The following GAS7 variants were observed in gnomAD, a reference collection of about 807,000 sequenced individuals.
GAS7 encodes growth arrest-specific protein 7.
Under a neutral mutation model 71.1 loss-of-function variants are expected in GAS7, and 28 were observed. The observed-to-expected ratio is 0.39, with a 90% confidence interval of 0.29 to 0.54. The LOEUF is 0.54. GAS7 is among the 20% of genes least tolerant of loss of function. The probability of loss-of-function intolerance (pLI) is 0.62; values close to 1 mark genes in which losing one functional copy is unlikely to be tolerated. For synonymous variants in GAS7, 258 were observed against 245.8 expected, an observed-to-expected ratio of 1.05 and a Z score of -0.46; for missense variants, 436 against 627.8, an observed-to-expected ratio of 0.69 and a Z score of 3.27.
At chr17:10,057,423 G>T (rs1362686730) in intron 1 of GAS7, among the ~76,000 whole-genome samples, 9 of 149,920 alleles carry the variant, frequency 6.0e-5, no homozygotes, top group African/African-American at 2.2e-4. Context: ...CTGGAATGTG[G>T]GGAGCGCCTC....
chr17:10,053,861 C>A (rs2073098034), intron 1 of GAS7, among the ~76,000 whole-genome samples: 1 of 152,272 alleles, frequency 6.6e-6, no homozygotes, highest in South Asian at 2.1e-4. Context: ...TCCTATCCAT[C>A]CCCTGAGCAT....
intron 8 of GAS7, among the ~76,000 whole-genome samples, chr17:9,938,501 C>T (rs2068482328): frequency 2.1e-5 from 3 of 146,242 alleles, no homozygotes; most frequent in Admixed American, 6.9e-5. Context: ...AAATAGACAT[C>T]ACAGAGCTCC....
At chr17:10,046,153 A>G (rs1408941819) in intron 1 of GAS7, among the ~76,000 whole-genome samples, 1 of 151,968 alleles carries the variant, frequency 6.6e-6, no homozygotes, top group Admixed American at 6.6e-5. Context: ...AATCCAGAAA[A>G]CTGAACTTGA....
At chr17:10,152,237 T>TC (rs2074171959) in intron 1 of GAS7, among the ~76,000 whole-genome samples, 1 of 151,984 alleles carries the variant, frequency 6.6e-6, no homozygotes, top group South Asian at 2.1e-4. Flanking sequence ...ATAGGGAAGT[T>TC]CCCCGAAAAG....
intron 11 of GAS7, among the ~76,000 whole-genome samples, chr17:9,923,615 C>T (rs1397199638): frequency 6.6e-6 from 1 of 152,150 alleles, no homozygotes; most frequent in African/African-American, 2.4e-5. Flanking sequence ...CATTTTTCCC[C>T]ACTCACTACC....
chr17:9,953,364 G>A (rs2069098023), intron 5 of GAS7, among the ~76,000 whole-genome samples: 1 of 152,166 alleles, frequency 6.6e-6, no homozygotes. Flanking sequence ...GAGCCCCGAG[G>A]TGCCTGCCAC....
At chr17:10,074,905 T>C (rs566981076) in intron 1 of GAS7, among the ~76,000 whole-genome samples, 18 of 151,846 alleles carry the variant, frequency 1.2e-4, no homozygotes, top group African/African-American at 3.4e-4. Flanking sequence ...TGCAGAGATA[T>C]TGAAATATCA....
chr17:9,950,632 C>T (rs898549501), intron 5 of GAS7, among the ~76,000 whole-genome samples: 7 of 151,902 alleles, frequency 4.6e-5, no homozygotes, highest in African/African-American at 1.5e-4. Flanking sequence ...CCCAGGTGTG[C>T]GGATCACAAG....
intron 1 of GAS7, among the ~76,000 whole-genome samples, chr17:10,038,418 T>A (rs2072798430): frequency 6.6e-6 from 1 of 152,180 alleles, no homozygotes; most frequent in African/African-American, 2.4e-5. Context: ...TGAGAACTGT[T>A]GGAACCCTTG....
rs149323666 is a variant in GAS7 at position 10,011,395 on chromosome 17, G to A, written c.304+8382C>T. ...GAGGGGCTTGGCCAGTGTGAAATAGGAGACAAGACAGAGGTGAGTAGATAA... is the reference window on the plus strand; with the variant it reads ...GAGGGGCTTGGCCAGTGTGAAATAGAAGACAAGACAGAGGTGAGTAGATAA... On this transcript the variant is annotated intron_variant, in intron 2 of 13. Transcript: ENST00000432992. Among the ~76,000 whole-genome samples, 162 of 152,210 alleles carry A rather than the reference G, an allele frequency of 1.1e-3. 1 individual carries two copies. Among genetic ancestry groups the A allele is most frequent in the African/African-American group, 3.7e-3 (155 of 41,538 alleles).
intron 1 of GAS7, among the ~76,000 whole-genome samples, chr17:10,101,117 C>A (rs376923961): frequency 0.027 from 3,735 of 140,942 alleles, 137 homozygotes; most frequent in African/African-American, 0.088. Context: ...ACAAAAAAAA[C>A]CAAATATGGT....
rs1567559605 is a variant in GAS7 at position 10,034,315 on chromosome 17, C to CCT, written c.184-14419_184-14418insAG. ...ATATATAGCCTAATACTTAATAATT[C>CCT]TTTTTTTTTTTTTTAGACAGTCTTG... On this transcript the variant is annotated intron_variant, in intron 1 of 13. Coordinates refer to ENST00000432992, the MANE Select transcript of GAS7 (RefSeq NM_201433.2). The surrounding 1 kb of genome is among the most constrained non-coding windows in gnomAD (Gnocchi z 4.4). 6.3e-6 allele frequency: 3 copies of CCT among 473,554 alleles called. No homozygotes were observed. The African/African-American group carries it at 6.6e-5, about 10-fold the overall frequency. 29.3% of individuals were successfully genotyped at this position (473,554 alleles called of 1,614,324 possible).
chr17:10,126,955 A>T (rs2073956100), intron 1 of GAS7, among the ~76,000 whole-genome samples: 1 of 152,196 alleles, frequency 6.6e-6, no homozygotes, highest in African/African-American at 2.4e-5. Context: ...ATTGCATCAG[A>T]GGCTGGGAGT....
chr17:9,917,115 C>T lies in GAS7; in HGVS notation c.*113G>A. 2.7e-6 allele frequency: 2 copies of T among 740,988 alleles called. No individual in the cohort carries two copies. The highest frequency in any genetic ancestry group is 2.4e-6 in the Non-Finnish European group (1 of 413,812). 45.9% of individuals were successfully genotyped at this position (740,988 alleles called of 1,614,324 possible). A position where few individuals can be genotyped will look rare whatever the true frequency, so the allele number is the denominator to read the frequency against. On this transcript the variant is annotated 3_prime_UTR_variant, in exon 14 of 14. Transcript: ENST00000432992. ...CCTTCTGGAATCACCAGCTCTCTCC[C>T]CTCTCCTCAGTGGCCCAGGAGAGAG...
chr17:9,981,863 C>T lies in GAS7; in HGVS notation c.326G>A (p.Ser109Asn). 6.3e-7 allele frequency: 1 copy of T among 1,599,252 alleles called. No individual in the cohort carries two copies. The highest frequency in any genetic ancestry group is 1.1e-5 in the South Asian group (1 of 90,712). Residue 109 changes from serine to asparagine, a missense_variant, in exon 3 of 14, where the codon AGC (serine) becomes AAC (asparagine). By Grantham distance (46) the Ser-to-Asn change is conservative. Transcript: ENST00000432992. The surrounding 1 kb of genome is among the most constrained non-coding windows in gnomAD (Gnocchi z 4.4). ...TTNETTWERP[S>N]SSPGIPASPG... ...GCTGGCTGGAATCCCAGGAGAACTG[C>T]TGGGACGTTCCCAGGTGGTCTCTGG...
chr17:10,036,077 C>T (rs2072742594), intron 1 of GAS7, among the ~76,000 whole-genome samples: 1 of 152,194 alleles, frequency 6.6e-6, no homozygotes, highest in African/African-American at 2.4e-5. Flanking sequence ...CACATCACCA[C>T]TCTGCTTCTC....
intron 1 of GAS7, among the ~76,000 whole-genome samples, chr17:10,124,446 G>A (rs2073929199): frequency 6.6e-6 from 1 of 152,236 alleles, no homozygotes; most frequent in South Asian, 2.1e-4. Flanking sequence ...CCCCACACAT[G>A]CGCACAAATC....
At chr17:10,045,980 C>T (rs1300479190) in intron 1 of GAS7, among the ~76,000 whole-genome samples, 1 of 152,144 alleles carries the variant, frequency 6.6e-6, no homozygotes, top group Non-Finnish European at 1.5e-5. Context: ...TTCTACTACA[C>T]ACTAAAATAA....
chr17:10,024,263 G>A (rs1317877694), intron 1 of GAS7, among the ~76,000 whole-genome samples: 1 of 152,234 alleles, frequency 6.6e-6, no homozygotes, highest in East Asian at 1.9e-4. Flanking sequence ...CCACAGAGGG[G>A]CAAGAGCAGC....
Sources: allele counts gnomAD v4.1 joint callset (sites outside exome capture counted in the v4.1 genomes callset), GRCh38; gene constraint gnomAD v4.1.1; non-coding constraint Gnocchi (gnomAD v3.1); transcripts MANE v1.5; gene names NCBI Gene and HGNC (gene_info 2026-07-23, HGNC 2026-07-21).